TTC28: variants seen among roughly 807,000 people sequenced by gnomAD.
TTC28 encodes the protein tetratricopeptide repeat protein 28.
Under a neutral mutation model 198.0 loss-of-function variants are expected in TTC28, and 61 were observed. The observed-to-expected ratio is 0.31, with a 90% CI of 0.25 to 0.38. The LOEUF (loss-of-function observed/expected upper bound fraction) is 0.38, where lower values mean the gene tolerates loss of function less well. Among genes scored for constraint, TTC28 ranks in the 10% least tolerant of loss-of-function variants. TTC28 has a pLI of 1.00. For missense variants in TTC28, 2,678 were observed against 3,164.0 expected, an observed-to-expected ratio of 0.85 and a Z score of 3.69; for synonymous variants, 1,171 against 1,297.8, an observed-to-expected ratio of 0.90 and a Z score of 2.10.
At chr22:28,344,121 A>G (rs2045872969) in intron 2 of TTC28, among the ~76,000 whole-genome samples, 1 of 151,470 alleles carries the variant, frequency 6.6e-6, no homozygotes, top group Non-Finnish European at 1.5e-5. Flanking sequence ...CCAATCCTAT[A>G]ATCACTAGTC....
intron 4 of TTC28, among the ~76,000 whole-genome samples, chr22:28,297,280 T>C (rs1195899506): frequency 6.6e-6 from 1 of 151,974 alleles, no homozygotes; most frequent in African/African-American, 2.4e-5. Flanking sequence ...AGCATCATCA[T>C]AGCTAAGTGT....
intron 2 of TTC28, among the ~76,000 whole-genome samples, chr22:28,401,200 G>A (rs1213559148): frequency 1.3e-5 from 2 of 152,034 alleles, no homozygotes; most frequent in Non-Finnish European, 2.9e-5. Context: ...GGGGGAGGAG[G>A]AGGAGGATGA....
chr22:28,126,062 A>G (rs1184363104), intron 6 of TTC28, among the ~76,000 whole-genome samples: 2 of 152,206 alleles, frequency 1.3e-5, no homozygotes, highest in Non-Finnish European at 2.9e-5. Flanking sequence ...AAAACAACAT[A>G]TGAAACGAGA....
chr22:28,118,302 G>T (rs192554716), intron 6 of TTC28, among the ~76,000 whole-genome samples: 259 of 152,222 alleles, frequency 1.7e-3, no homozygotes, highest in African/African-American at 5.7e-3. Flanking sequence ...AGGAGGCTGA[G>T]GTGGGAGAAT....
At chr22:27,985,027 C>T (rs1193075402) in intron 22 of TTC28, among the ~76,000 whole-genome samples, 1 of 152,202 alleles carries the variant, frequency 6.6e-6, no homozygotes, top group African/African-American at 2.4e-5. Flanking sequence ...AGTCCCTTGC[C>T]CTGCTTGAGC....
intron 12 of TTC28, among the ~76,000 whole-genome samples, chr22:28,083,122 C>G (rs535763794): frequency 6.6e-6 from 1 of 150,806 alleles, no homozygotes; most frequent in Non-Finnish European, 1.5e-5. Flanking sequence ...GCGCAGGAAC[C>G]TGGATAAAGA....
intron 6 of TTC28, among the ~76,000 whole-genome samples, chr22:28,110,761 C>A (rs1942458792): frequency 6.6e-6 from 1 of 151,754 alleles, no homozygotes; most frequent in Non-Finnish European, 1.5e-5. Context: ...ATAACAAGAC[C>A]TTGTCTCTAC....
rs1320371711 is a variant in TTC28, at chr22:28,654,773, T to A, written c.102+24849A>T. Among the ~76,000 whole-genome samples the A allele has an allele frequency of 3.3e-5, 5 of 152,304 alleles. No individual in the cohort carries two copies. In the East Asian group the frequency reaches 5.8e-4, roughly 18 times the overall value. On this transcript the variant is annotated intron_variant, in intron 1 of 22. Coordinates refer to ENST00000397906, the MANE Select transcript of TTC28 (RefSeq NM_001145418.2). Reference sequence around the variant, plus strand: ...AACTCCTTAGGTGGGAAGTGGGAAATGTTTCCTTAATGTTTCCTTTCTAAG... The same window carrying A: ...AACTCCTTAGGTGGGAAGTGGGAAAAGTTTCCTTAATGTTTCCTTTCTAAG...
At chr22:28,291,153 C>T (rs894078699) in intron 5 of TTC28, among the ~76,000 whole-genome samples, 1 of 151,666 alleles carries the variant, frequency 6.6e-6, no homozygotes, top group African/African-American at 2.4e-5. Context: ...TAAAATCTAA[C>T]AAAATGATTT....
intron 2 of TTC28, among the ~76,000 whole-genome samples, chr22:28,314,946 A>G (rs1431875099): frequency 6.6e-6 from 1 of 152,190 alleles, no homozygotes; most frequent in East Asian, 1.9e-4. Context: ...AGTCTTTTGT[A>G]TAGGTCGCTG....
intron 2 of TTC28, among the ~76,000 whole-genome samples, chr22:28,515,089 T>C (rs753426505): frequency 2.0e-5 from 3 of 152,198 alleles, no homozygotes; most frequent in African/African-American, 4.8e-5. Flanking sequence ...ATTTTTATTA[T>C]GGAGATGTAT....
At chr22:28,182,641 T>TA (rs34572711) in intron 5 of TTC28, among the ~76,000 whole-genome samples, 1 of 152,142 alleles carries the variant, frequency 6.6e-6, no homozygotes, top group Non-Finnish European at 1.5e-5. Flanking sequence ...GCCCCCCTGC[T>TA]AAAAAAGGTA....
At chr22:28,037,962 G>T (rs1258069731) in intron 12 of TTC28, among the ~76,000 whole-genome samples, 1 of 152,116 alleles carries the variant, frequency 6.6e-6, no homozygotes, top group Non-Finnish European at 1.5e-5. Context: ...AACTTACAAG[G>T]GATGTGAAGG....
intron 13 of TTC28, among the ~76,000 whole-genome samples, chr22:28,017,336 C>G (rs1305359291): frequency 6.6e-6 from 1 of 152,256 alleles, no homozygotes; most frequent in Non-Finnish European, 1.5e-5. Context: ...CCGTGATGTG[C>G]CAGGCACCAT....
intron 12 of TTC28, among the ~76,000 whole-genome samples, chr22:28,075,727 C>T (rs12166719): frequency 0.069 from 10,463 of 152,246 alleles, 402 homozygotes; most frequent in South Asian, 0.088. Flanking sequence ...GAAACTCCTC[C>T]GCCTGGAATG....
At chr22:28,171,622 C>CAAAAAAA (rs5844804) in intron 5 of TTC28, among the ~76,000 whole-genome samples, 1 of 104,600 alleles carries the variant, frequency 9.6e-6, no homozygotes, top group African/African-American at 3.6e-5. Flanking sequence ...GGCATATTTG[C>CAAAAAAA]AAAAAAAAAA....
intron 5 of TTC28, among the ~76,000 whole-genome samples, chr22:28,171,604 T>C (rs1421076295): frequency 6.8e-6 from 1 of 147,904 alleles, no homozygotes; most frequent in Non-Finnish European, 1.5e-5. Context: ...TAAACGGTGC[T>C]TGCAAATGGC....
intron 6 of TTC28, among the ~76,000 whole-genome samples, chr22:28,131,133 A>G (rs900428419): frequency 2.0e-5 from 3 of 152,216 alleles, no homozygotes; most frequent in Non-Finnish European, 4.4e-5. Flanking sequence ...AGGACGGTGA[A>G]TTTAGAAATC....
intron 5 of TTC28, among the ~76,000 whole-genome samples, chr22:28,245,054 A>G (rs952189052): frequency 1.3e-5 from 2 of 152,228 alleles, no homozygotes; most frequent in African/African-American, 2.4e-5. Flanking sequence ...CCTTAGAGCC[A>G]GCTAGAACAG....
Sources: allele counts gnomAD v4.1 joint callset (sites outside exome capture counted in the v4.1 genomes callset), GRCh38; gene constraint gnomAD v4.1.1; transcripts MANE v1.5; gene names NCBI Gene and HGNC (gene_info 2026-07-23, HGNC 2026-07-21).